EBF1: variants seen among roughly 807,000 people sequenced by gnomAD.
The protein encoded by EBF1 is transcription factor COE1.
Under a neutral mutation model 68.4 loss-of-function variants are expected in EBF1, and 10 were observed. That is an observed-to-expected ratio of 0.15 (90% confidence interval 0.09 to 0.25). EBF1 has a LOEUF of 0.25. Ranked by LOEUF, EBF1 falls within the 10% of genes least tolerant of loss-of-function variation. EBF1 has a pLI of 1.00. For synonymous variants in EBF1, 298 were observed against 299.8 expected (o/e 0.99, Z 0.06); for missense variants, 509 against 794.4 (o/e 0.64, Z 4.32).
intron 6 of EBF1, among the ~76,000 whole-genome samples, chr5:158,944,338 G>A (rs1050062938): frequency 6.6e-6 from 1 of 152,036 alleles, no homozygotes; most frequent in Non-Finnish European, 1.5e-5. Flanking sequence ...TTGTTCCTGT[G>A]TTAGTTTGCT....
At chr5:158,933,116 T>C (rs1811241502) in intron 6 of EBF1, among the ~76,000 whole-genome samples, 1 of 152,154 alleles carries the variant, frequency 6.6e-6, no homozygotes, top group Non-Finnish European at 1.5e-5. Context: ...AGTGAGAAAC[T>C]GTCAATACAT....
intron 9 of EBF1, among the ~76,000 whole-genome samples, chr5:158,788,221 A>G (rs1777856114): frequency 6.6e-6 from 1 of 152,204 alleles, no homozygotes; most frequent in Non-Finnish European, 1.5e-5. Flanking sequence ...GTATGGTAGA[A>G]ATAAGGCAAC....
chr5:158,821,441 C>T (rs796694649), intron 8 of EBF1, among the ~76,000 whole-genome samples: 1 of 152,088 alleles, frequency 6.6e-6, no homozygotes, highest in Non-Finnish European at 1.5e-5. Context: ...CACTGGCTTC[C>T]CAAGAGCAGA....
chr5:158,814,681 C>G (rs563065194), intron 8 of EBF1, among the ~76,000 whole-genome samples: 1 of 152,264 alleles, frequency 6.6e-6, no homozygotes, highest in Admixed American at 6.5e-5. Flanking sequence ...CTCATGGACT[C>G]CTTCCTCCAC....
At chr5:158,747,493 A>G (rs1431685078) in intron 10 of EBF1, among the ~76,000 whole-genome samples, 2 of 152,168 alleles carry the variant, frequency 1.3e-5, no homozygotes, top group East Asian at 3.9e-4. Flanking sequence ...TACATGATCT[A>G]TCTCCTATTA....
chr5:158,851,499 G>C (rs1792676228), intron 6 of EBF1, among the ~76,000 whole-genome samples: 1 of 82,586 alleles, frequency 1.2e-5, no homozygotes, highest in Non-Finnish European at 2.5e-5. Flanking sequence ...GGAAAGAAGA[G>C]GGGGGAGAAG....
At chr5:158,831,322 CA>C (rs1324028491) in intron 7 of EBF1, among the ~76,000 whole-genome samples, 4 of 152,150 alleles carry the variant, frequency 2.6e-5, no homozygotes, top group African/African-American at 9.7e-5. Context: ...ATTTGATCCC[CA>C]GTCCCATCAC....
At chr5:158,893,558 T>C (rs1025087992) in intron 6 of EBF1, among the ~76,000 whole-genome samples, 2 of 152,228 alleles carry the variant, frequency 1.3e-5, no homozygotes, top group Non-Finnish European at 2.9e-5. Flanking sequence ...GAAATCCCTT[T>C]TCCTTGCTTT....
intron 6 of EBF1, among the ~76,000 whole-genome samples, chr5:158,967,817 C>T (rs1754480657): frequency 6.6e-6 from 1 of 152,170 alleles, no homozygotes; most frequent in Non-Finnish European, 1.5e-5. Context: ...CAACTAGTTT[C>T]CCCCTAGGGC....
At chr5:158,965,321 A>G (rs187769449) in intron 6 of EBF1, among the ~76,000 whole-genome samples, 2 of 151,786 alleles carry the variant, frequency 1.3e-5, no homozygotes, top group East Asian at 1.9e-4. Flanking sequence ...TACATCTTTT[A>G]TACATATTGT....
chr5:158,829,606 G>C (rs1787039976), intron 7 of EBF1, among the ~76,000 whole-genome samples: 1 of 152,124 alleles, frequency 6.6e-6, no homozygotes, highest in Admixed American at 6.5e-5. Flanking sequence ...ATGGGGTTGA[G>C]AAGGTATTAT....
intron 6 of EBF1, among the ~76,000 whole-genome samples, chr5:158,872,988 T>C (rs1361034519): frequency 7.0e-6 from 1 of 143,738 alleles, no homozygotes; most frequent in Non-Finnish European, 1.5e-5. Context: ...CAGTCAAGAA[T>C]GACACTAATT....
chr5:159,014,243 C>CA (rs1461379419), intron 6 of EBF1, among the ~76,000 whole-genome samples: 4 of 152,022 alleles, frequency 2.6e-5, no homozygotes. Flanking sequence ...CAGAAGATTC[C>CA]AAAGTATTAT....
Position 158,751,165 on chromosome 5 carries a change from T to C in EBF1, c.1037-20008A>G, listed in dbSNP as rs76927069. Among the ~76,000 whole-genome samples the C allele has an allele frequency of 9.8e-4, 150 of 152,298 alleles. 1 individual carries two copies. The East Asian group carries it at 0.02, about 21-fold the overall frequency. On this transcript the variant is annotated intron_variant, in intron 10 of 15. Transcript: ENST00000313708. ...TGAAAGAAATATACAAAAATCTTTT[T>C]AGTGGTCAACTCTGGGTGATGGCTA... is the stretch of plus-strand genomic sequence containing the variant.
chr5:158,773,189 A>T (rs544725653), intron 10 of EBF1, among the ~76,000 whole-genome samples: 1 of 152,226 alleles, frequency 6.6e-6, no homozygotes, highest in African/African-American at 2.4e-5. Context: ...GAAAAAACGG[A>T]AAACTTAAAA....
At chr5:158,743,840 C>A (rs1221239141) in intron 10 of EBF1, among the ~76,000 whole-genome samples, 2 of 152,056 alleles carry the variant, frequency 1.3e-5, no homozygotes, top group Non-Finnish European at 2.9e-5. Flanking sequence ...GCCAGAAGAT[C>A]TAGGTAAAAA....
chr5:159,074,472 C>A (rs1778376813), intron 5 of EBF1, among the ~76,000 whole-genome samples: 1 of 152,220 alleles, frequency 6.6e-6, no homozygotes, highest in African/African-American at 2.4e-5. Flanking sequence ...AGCAAATATG[C>A]ACTTCTTGCT....
intron 8 of EBF1, among the ~76,000 whole-genome samples, chr5:158,798,232 G>A (rs184264331): frequency 6.6e-6 from 1 of 152,246 alleles, no homozygotes; most frequent in Non-Finnish European, 1.5e-5. Flanking sequence ...GATATCCCTA[G>A]TACTTCTGAG....
intron 7 of EBF1, among the ~76,000 whole-genome samples, chr5:158,829,553 C>A (rs1787018106): frequency 6.8e-6 from 1 of 147,580 alleles, no homozygotes; most frequent in Non-Finnish European, 1.5e-5. Flanking sequence ...CACACTAATG[C>A]AAGATGTTAA....
Sources: allele counts gnomAD v4.1 joint callset (sites outside exome capture counted in the v4.1 genomes callset), GRCh38; gene constraint gnomAD v4.1.1; transcripts MANE v1.5; gene names NCBI Gene and HGNC (gene_info 2026-07-23, HGNC 2026-07-21).